Variants in ARHGEF10 observed in about 807,000 individuals in gnomAD.
ARHGEF10 encodes the protein Rho guanine nucleotide exchange factor (GEF) 10.
ARHGEF10 carries 140 observed loss-of-function variants against 147.4 expected under a neutral mutation model. The observed-to-expected ratio is 0.95, with a 90% confidence interval of 0.83 to 1.09. The LOEUF (loss-of-function observed/expected upper bound fraction) is 1.09, where lower values mean the gene tolerates loss of function less well. Among genes scored for constraint, ARHGEF10 ranks in the 50% least tolerant of loss-of-function variants. The pLI is 0.00. For synonymous variants in ARHGEF10, 902 were observed against 695.8 expected (o/e 1.30, Z -4.67); for missense variants, 2,222 against 1,752.7 (o/e 1.27, Z -4.78).
intron 4 of ARHGEF10, among the ~76,000 whole-genome samples, chr8:1,864,097 C>T (rs1474922388): frequency 6.6e-6 from 1 of 151,952 alleles, no homozygotes; most frequent in African/African-American, 2.4e-5. Context: ...GAGAACATCC[C>T]GTTTCTTTCT....
intron 25 of ARHGEF10, among the ~76,000 whole-genome samples, chr8:1,930,794 C>T (rs777128911): frequency 1.2e-4 from 19 of 152,222 alleles, no homozygotes; most frequent in Admixed American, 7.8e-4. Context: ...CCTGTGCGCA[C>T]CTGCGCCAAG....
Position 1,945,577 on chromosome 8 carries a change from C to T in ARHGEF10, c.3319C>T (p.Leu1107Phe). ...GATTGCCTTCACCTCAGGGTCCACGCTCCGCCTTTTTCACACGGAAACTCT... is the reference window on the plus strand; with the variant it reads ...GATTGCCTTCACCTCAGGGTCCACGTTCCGCCTTTTTCACACGGAAACTCT... ...IWIAFTSGST[L>F]RLFHTETLKH... The change falls in exon 27 of 29, where the codon CTC (leucine) becomes TTC (phenylalanine). Residue 1107 changes from leucine (L) to phenylalanine (F), a missense_variant. Coordinates refer to ENST00000349830, the MANE Select transcript of ARHGEF10 (RefSeq NM_014629.4). 2 of 1,614,262 alleles carry T rather than the reference C, an allele frequency of 1.2e-6. No homozygotes were observed. The highest frequency in any genetic ancestry group is 8.5e-7 in the Non-Finnish European group (1 of 1,180,048).
intron 10 of ARHGEF10, among the ~76,000 whole-genome samples, chr8:1,884,790 G>T (rs1164332859): frequency 4.6e-5 from 7 of 152,006 alleles, no homozygotes; most frequent in Non-Finnish European, 8.8e-5. Context: ...TTAGAGACAG[G>T]GTCTCACTCT....
Position 1,859,924 on chromosome 8 carries a change from C to G in ARHGEF10, c.221C>G (p.Thr74Ser). The change falls in exon 4 of 29, where the codon ACC becomes AGC. Residue 74 changes from threonine to serine, a missense_variant. Physicochemically the swap from Thr to Ser is moderately conservative, Grantham distance 58 (BLOSUM62 1). Transcript: ENST00000349830. ...GGTGAGGATGGAGCTGGAGCAGAAA[C>G]CACCCCAGTGGCAGAGCCTACTAAG... ...TGGEDGAGAE[T>S]TPVAEPTKLV... 1 of 1,614,178 alleles carries G rather than the reference C, an allele frequency of 6.2e-7. No individual in the cohort carries two copies. The highest frequency in any genetic ancestry group is 8.5e-7 in the Non-Finnish European group (1 of 1,180,028).
rs563951398 is a variant in ARHGEF10, at chr8:1,874,255, C to CG, written c.680-2315dup. 7.7e-4 allele frequency among the ~76,000 whole-genome samples: 117 copies of CG among 152,248 alleles called. 1 individual carries two copies. The highest frequency in any genetic ancestry group is 2.1e-3 in the East Asian group (11 of 5,178). On this transcript the variant is annotated intron_variant, in intron 7 of 28. Coordinates refer to ENST00000349830, the MANE Select transcript of ARHGEF10 (RefSeq NM_014629.4). ...CGTTTCTAAAACATTGAAAACCACC[C>CG]GTTTTTCACACATCTGAATAGCCTG... is the stretch of plus-strand genomic sequence containing the variant.
chr8:1,943,208 C>A (rs530130343), intron 26 of ARHGEF10, among the ~76,000 whole-genome samples: 2 of 152,296 alleles, frequency 1.3e-5, no homozygotes, highest in Middle Eastern at 3.4e-3. Context: ...GGGGCACAGG[C>A]TTTTCTTCCT....
At chr8:1,952,358 C>T (rs144940613) in intron 27 of ARHGEF10, among the ~76,000 whole-genome samples, 2,399 of 152,342 alleles carry the variant, frequency 0.016, 28 homozygotes, top group Middle Eastern at 0.034. Flanking sequence ...CACGAGCTCA[C>T]GTGCTACACG....
intron 15 of ARHGEF10, among the ~76,000 whole-genome samples, chr8:1,898,795 G>T (rs1810228595): frequency 6.6e-6 from 1 of 152,000 alleles, no homozygotes; most frequent in African/African-American, 2.4e-5. Context: ...GTGGGCCCTG[G>T]CCTGCCTCAC....
rs1203643044 is a variant in ARHGEF10, at chr8:1,929,270, T to C, written c.2922-16T>C. 7 of 1,613,674 alleles carry C rather than the reference T, an allele frequency of 4.3e-6. No homozygotes were observed. The highest frequency in any genetic ancestry group is 5.9e-6 in the Non-Finnish European group (7 of 1,179,596). On this transcript the variant is annotated splice_polypyrimidine_tract_variant and intron_variant, in intron 24 of 28. Coordinates refer to ENST00000349830, the MANE Select transcript of ARHGEF10 (RefSeq NM_014629.4). ...ACGAGCAAATATATTTATTAGCTTG[T>C]ATTTTTCTCTTAAAGCATTTCCATT...
At chr8:1,892,277 CTGTGTG>C (rs66526026) in intron 11 of ARHGEF10, among the ~76,000 whole-genome samples, 12,138 of 126,500 alleles carry the variant, frequency 0.096, 591 homozygotes, top group South Asian at 0.19. Flanking sequence ...GCTTCTGGCT[CTGTGTG>C]TGTGTGTGTG....
chr8:1,829,909 A>G (rs1802985619), intron 1 of ARHGEF10, among the ~76,000 whole-genome samples: 1 of 152,194 alleles, frequency 6.6e-6, no homozygotes, highest in Non-Finnish European at 1.5e-5. Context: ...ATGATTTAAT[A>G]GGAAGGAATG....
chr8:1,833,895 G>A (rs1803422898), intron 1 of ARHGEF10, among the ~76,000 whole-genome samples: 1 of 152,190 alleles, frequency 6.6e-6, no homozygotes, highest in South Asian at 2.1e-4. Context: ...CCAAGTGTAC[G>A]GCACACAGCA....
chr8:1,885,522 G>A, intron 10 of ARHGEF10, 79 bp from the exon 11 acceptor site: 1 of 1,008,156 alleles, frequency 9.9e-7, no homozygotes. Context: ...ATATTTATTT[G>A]ACTTTTTTTT....
intron 1 of ARHGEF10, among the ~76,000 whole-genome samples, chr8:1,829,305 A>T (rs781532275): frequency 6.6e-6 from 1 of 152,218 alleles, no homozygotes; most frequent in Admixed American, 6.5e-5. Context: ...GGTCTTCCTG[A>T]TGGTGCGTGC....
intron 27 of ARHGEF10, among the ~76,000 whole-genome samples, chr8:1,952,350 C>A (rs548241552): frequency 1.3e-5 from 2 of 152,194 alleles, no homozygotes; most frequent in Admixed American, 6.5e-5. Context: ...CGGGGGCTCA[C>A]GAGCTCACGT....
chr8:1,940,875 C>T (rs892129798), intron 26 of ARHGEF10, among the ~76,000 whole-genome samples: 1 of 152,232 alleles, frequency 6.6e-6, no homozygotes, highest in African/African-American at 2.4e-5. Flanking sequence ...AAAAAACCCA[C>T]ATGATCATCT....
rs145860164 is a variant in ARHGEF10, at chr8:1,944,826, T to G, written c.3223-655T>G. On this transcript the variant is annotated intron_variant, in intron 26 of 28. Coordinates refer to ENST00000349830, the MANE Select transcript of ARHGEF10 (RefSeq NM_014629.4). ...CTCCTGGGACTGATCCCAGAGAGCC[T>G]GAACTCCAGGCAGCCCCTGAGGCCA... 7.8e-3 allele frequency among the ~76,000 whole-genome samples: 1,184 copies of G among 152,308 alleles called. 8 individuals carry two copies. The highest frequency in any genetic ancestry group is 0.012 in the Non-Finnish European group (838 of 68,016).
Position 1,832,939 on chromosome 8 carries a change from GAAGC to G in ARHGEF10, c.-48+8828_-48+8831del, listed in dbSNP as rs1248173858. Among the ~76,000 whole-genome samples the G allele has an allele frequency of 2.0e-3, 107 of 53,164 alleles. 5 individuals carry two copies. Among genetic ancestry groups the G allele is most frequent in the East Asian group, 3.8e-3 (8 of 2,128 alleles). The allele number at this position is 53,164 out of a possible 152,430, so 34.9% of individuals were successfully genotyped here. On this transcript the variant is annotated intron_variant, in intron 1 of 28. Transcript: ENST00000349830. Reference sequence around the variant, plus strand: ...AGAGGCAGAGACAGAGGCAGAGACAGAAGCAGAGACAGAGGCAGAGGCAGATACA... The same window carrying G: ...AGAGGCAGAGACAGAGGCAGAGACAGAGAGACAGAGGCAGAGGCAGATACA...
intron 15 of ARHGEF10, among the ~76,000 whole-genome samples, chr8:1,899,019 G>A (rs1054708450): frequency 6.6e-6 from 1 of 152,342 alleles, no homozygotes; most frequent in East Asian, 1.9e-4. Flanking sequence ...GCAAATCACC[G>A]AGGACAGGGA....
Sources: gnomAD v4.1 joint callset for allele counts (sites outside exome capture counted in the v4.1 genomes callset) on GRCh38, gnomAD v4.1.1 for gene constraint, MANE v1.5 for transcripts, NCBI Gene and HGNC (gene_info 2026-07-23, HGNC 2026-07-21) for gene names.